ZBTB44: variants seen among roughly 807,000 people sequenced by gnomAD.
The protein encoded by ZBTB44 is zinc finger and BTB domain-containing protein 44.
A neutral mutation model predicts 54.0 loss-of-function variants in ZBTB44; 15 were observed. That is an observed-to-expected ratio of 0.28 (90% CI 0.19 to 0.43). The LOEUF is 0.43. ZBTB44 is among the 20% of genes least tolerant of loss of function. The pLI is 1.00. For missense variants in ZBTB44, 487 were observed against 707.1 expected, an observed-to-expected ratio of 0.69 and a Z score of 3.53; for synonymous variants, 230 against 250.1, an observed-to-expected ratio of 0.92 and a Z score of 0.76.
chr11:130,253,614 G>A (rs1938202632), intron 2 of ZBTB44, among the ~76,000 whole-genome samples: 2 of 152,172 alleles, frequency 1.3e-5, no homozygotes, highest in Admixed American at 1.3e-4. Context: ...TGGATAGGAA[G>A]AATGAATATC....
At chr11:130,239,245 G>A (rs1259185434) in intron 3 of ZBTB44, 2 of 152,548 alleles carry the variant, frequency 1.3e-5, no homozygotes, top group Non-Finnish European at 2.9e-5. Context: ...ATGGGAGAAA[G>A]GCTGGAGAAG....
At chr11:130,268,770 G>A (rs1939448040) in intron 1 of ZBTB44, among the ~76,000 whole-genome samples, 1 of 151,564 alleles carries the variant, frequency 6.6e-6, no homozygotes, top group Non-Finnish European at 1.5e-5. Flanking sequence ...AGTAGAGATG[G>A]GGTTTCACCA....
At chr11:130,235,374 G>T (rs1458924807) in intron 5 of ZBTB44, among the ~76,000 whole-genome samples, 5 of 152,172 alleles carry the variant, frequency 3.3e-5, no homozygotes, top group Admixed American at 3.3e-4. Flanking sequence ...TGTTTAATAT[G>T]ATATGTATAA....
At chr11:130,245,144 A>G (rs774949851) in intron 2 of ZBTB44, among the ~76,000 whole-genome samples, 1 of 152,052 alleles carries the variant, frequency 6.6e-6, no homozygotes, top group Non-Finnish European at 1.5e-5. Context: ...TTGCACCCCC[A>G]TTCTTTCTGG....
chr11:130,250,175 C>T (rs78340917), intron 2 of ZBTB44, among the ~76,000 whole-genome samples: 18,218 of 152,232 alleles, frequency 0.12, 1,258 homozygotes, highest in African/African-American at 0.19. Context: ...GAACTCAACA[C>T]AGTGTGGCAC....
chr11:130,305,579 T>C (rs1942221897), intron 1 of ZBTB44, among the ~76,000 whole-genome samples: 1 of 152,236 alleles, frequency 6.6e-6, no homozygotes. Context: ...ACTGGATCTT[T>C]ATCTTTCATC....
At chr11:130,274,293 T>C (rs574199785) in intron 1 of ZBTB44, among the ~76,000 whole-genome samples, 1 of 152,300 alleles carries the variant, frequency 6.6e-6, no homozygotes, top group South Asian at 2.1e-4. Flanking sequence ...GCTCAACGTG[T>C]ATAAGATCAG....
intron 1 of ZBTB44, among the ~76,000 whole-genome samples, chr11:130,313,016 TATTC>T (rs1417858875): frequency 6.6e-6 from 1 of 152,280 alleles, no homozygotes; most frequent in Non-Finnish European, 1.5e-5. Context: ...TTAGCATTTT[TATTC>T]ATTGCATGAA....
intron 5 of ZBTB44, among the ~76,000 whole-genome samples, chr11:130,235,951 C>T (rs1954089082): frequency 6.9e-6 from 1 of 145,476 alleles, no homozygotes; most frequent in African/African-American, 2.6e-5. Flanking sequence ...GCCTGGGTGA[C>T]AGTGAGACTC....
Position 130,239,899 on chromosome 11 carries a change from G to A in ZBTB44, c.1019-3C>T. 1 of 1,607,084 alleles carries A rather than the reference G, an allele frequency of 6.2e-7. No individual in the cohort carries two copies. Among genetic ancestry groups the A allele is most frequent in the Non-Finnish European group, 8.5e-7 (1 of 1,175,976 alleles). On this transcript the variant is annotated splice_region_variant and splice_polypyrimidine_tract_variant and intron_variant, in intron 2 of 7. Transcript: ENST00000357899. Reference sequence around the variant, plus strand: ...AGAAACGCCTTCATCTACTGAGCCTGTGAATAAGAGAAAGAGGACCACTGT... The same window carrying A: ...AGAAACGCCTTCATCTACTGAGCCTATGAATAAGAGAAAGAGGACCACTGT...
intron 1 of ZBTB44, 89 bp from the exon 2 acceptor site, chr11:130,262,018 T>A: frequency 1.0e-6 from 1 of 991,042 alleles, no homozygotes; most frequent in South Asian, 1.8e-5. Context: ...CTGTACTAAA[T>A]TAAAAAGCTG....
At chr11:130,294,538 C>CAAAAAAAAAA (rs11322495) in intron 1 of ZBTB44, among the ~76,000 whole-genome samples, 1 of 48,654 alleles carries the variant, frequency 2.1e-5, no homozygotes, top group African/African-American at 6.9e-5. Context: ...TCTATATGAC[C>CAAAAAAAAAA]AAAAAAAAAA....
intron 2 of ZBTB44, among the ~76,000 whole-genome samples, chr11:130,248,578 T>A (rs974040712): frequency 6.6e-6 from 1 of 151,202 alleles, no homozygotes; most frequent in East Asian, 2.0e-4. Flanking sequence ...GAGGCAGAGG[T>A]TGCAGTGAGC....
intron 1 of ZBTB44, among the ~76,000 whole-genome samples, chr11:130,266,232 G>C (rs1418142223): frequency 6.6e-6 from 1 of 152,234 alleles, no homozygotes; most frequent in African/African-American, 2.4e-5. Flanking sequence ...AACACAGCCT[G>C]ATGACAGCAC....
At chr11:130,313,568 T>G (rs1406933922) in intron 1 of ZBTB44, among the ~76,000 whole-genome samples, 1 of 152,166 alleles carries the variant, frequency 6.6e-6, no homozygotes, top group Non-Finnish European at 1.5e-5. Context: ...GAAATCAAAA[T>G]CGTGCAGCTT....
chr11:130,233,013 A>AG, intron 7 of ZBTB44: 1 of 286,476 alleles, frequency 3.5e-6, no homozygotes. Flanking sequence ...TTTAAAAAAA[A>AG]AGAAAAAAAA....
Position 130,231,156 on chromosome 11 carries a change from T to C in ZBTB44, c.*608A>G, listed in dbSNP as rs964469443. On this transcript the variant is annotated 3_prime_UTR_variant, in exon 8 of 8. Coordinates refer to ENST00000357899, the MANE Select transcript of ZBTB44 (RefSeq NM_001301098.2). ...TTTCAATATGTCCTGGTAAAAATTA[T>C]GCATCTAGGCATCCCTAAGATGAAT... 8 of 152,146 alleles carry C rather than the reference T, an allele frequency of 5.3e-5. No homozygotes were observed. The highest frequency in any genetic ancestry group is 5.2e-4 in the Admixed American group (8 of 15,278). 9.4% of individuals were successfully genotyped at this position (152,146 alleles called of 1,614,324 possible).
At chr11:130,238,864 A>T (rs971846003) in intron 3 of ZBTB44, 7 of 291,166 alleles carry the variant, frequency 2.4e-5, no homozygotes, top group African/African-American at 1.5e-4. Flanking sequence ...AAGGCATAGC[A>T]AGGCCTATAG....
rs775269304 is a variant in ZBTB44, at chr11:130,261,069, A to C, written c.805T>G (p.Tyr269Asp). Residue 269 changes from tyrosine (Y) to aspartate (D), a missense_variant, in exon 2 of 8, where the codon TAT becomes GAT. By Grantham distance (160) the Tyr-to-Asp change is radical (BLOSUM62 -3). Around this residue, in one of 3 missense-constraint regions of ZBTB44, gnomAD observed 277 missense variants for 306.5 expected, o/e 0.90. Transcript: ENST00000357899. This position sits in a 1 kb window ranked among gnomAD's most constrained non-coding sequence, Gnocchi z 4.8. Reference protein sequence around the residue: ...PSETGRRMADYVTCESTKTTL... With the variant: ...PSETGRRMADDVTCESTKTTL... Reference sequence around the variant, plus strand: ...GTTTTTGTGCTCTCACAAGTCACATAATCAGCCATTCTTCTACCGGTCTCA... The same window carrying C: ...GTTTTTGTGCTCTCACAAGTCACATCATCAGCCATTCTTCTACCGGTCTCA... 51 of 1,613,884 alleles carry C rather than the reference A, an allele frequency of 3.2e-5. No homozygotes were observed. Among genetic ancestry groups the C allele is most frequent in the Non-Finnish European group, 4.2e-5 (50 of 1,179,898 alleles).
Sources: gnomAD v4.1 joint callset for allele counts (sites outside exome capture counted in the v4.1 genomes callset) on GRCh38, gnomAD v4.1.1 for gene constraint, gnomAD v4.1.1 regional missense constraint, Gnocchi (gnomAD v3.1) non-coding constraint, MANE v1.5 for transcripts, NCBI Gene and HGNC (gene_info 2026-07-23, HGNC 2026-07-21) for gene names.